The following ADAMTS3 variants were observed in gnomAD, a reference collection of about 807,000 sequenced individuals.
ADAMTS3 encodes the protein ADAM metallopeptidase with thrombospondin type 1 motif 3, also known as A disintegrin and metalloproteinase with thrombospondin motifs 3.
Under a neutral mutation model 129.0 loss-of-function variants are expected in ADAMTS3, and 73 were observed. The ratio of observed to expected loss-of-function variants is 0.57; its 90% CI spans 0.47 to 0.69. The LOEUF is 0.69. Among genes scored for constraint, ADAMTS3 ranks in the 30% least tolerant of loss-of-function variants. The probability of loss-of-function intolerance (pLI) is 0.00; values close to 1 mark genes in which losing one functional copy is unlikely to be tolerated. For missense variants in ADAMTS3, 1,457 were observed against 1,514.5 expected, an observed-to-expected ratio of 0.96 and a Z score of 0.63; for synonymous variants, 477 against 510.8, an observed-to-expected ratio of 0.93 and a Z score of 0.89.
chr4:72,557,201 C>T (rs1187698457), intron 2 of ADAMTS3, among the ~76,000 whole-genome samples: 1 of 151,802 alleles, frequency 6.6e-6, no homozygotes, highest in African/African-American at 2.4e-5. Flanking sequence ...CCAACAACAA[C>T]ATTTCCAAAT....
At chr4:72,542,578 G>C (rs2109780512) in intron 3 of ADAMTS3, among the ~76,000 whole-genome samples, 1 of 152,280 alleles carries the variant, frequency 6.6e-6, no homozygotes, top group East Asian at 1.9e-4. Context: ...CAGAATTTGA[G>C]ATATTAGGAA....
chr4:72,371,198 G>A (rs906478364), intron 4 of ADAMTS3, among the ~76,000 whole-genome samples: 1 of 152,038 alleles, frequency 6.6e-6, no homozygotes, highest in East Asian at 1.9e-4. Context: ...CAGACTATGA[G>A]AGAATAAATT....
chr4:72,541,755 T>C (rs113633371), intron 3 of ADAMTS3, among the ~76,000 whole-genome samples: 1,627 of 151,724 alleles, frequency 0.011, 22 homozygotes, highest in African/African-American at 0.033. Flanking sequence ...CTATGTAAGA[T>C]GTGCCTTTGT....
In ADAMTS3 at chr4:72,400,359, A is replaced by G. The variant is rs1248521173; in HGVS notation, c.661+14456T>C. 1.4e-5 allele frequency among the ~76,000 whole-genome samples: 2 copies of G among 146,396 alleles called. 1 individual carries two copies. Among genetic ancestry groups the G allele is most frequent in the African/African-American group, 5.1e-5 (2 of 39,416 alleles). ...ACACGGTGTGTATATATACGTGTGC[A>G]TAGATATGCACACGGTGTGTATATA... On this transcript the variant is annotated intron_variant, in intron 4 of 21. Coordinates refer to ENST00000286657, the MANE Select transcript of ADAMTS3 (RefSeq NM_014243.3).
At chr4:72,481,327 G>A (rs1248667292) in intron 3 of ADAMTS3, among the ~76,000 whole-genome samples, 4 of 152,132 alleles carry the variant, frequency 2.6e-5, no homozygotes, top group Non-Finnish European at 4.4e-5. Context: ...TCCAGATTGT[G>A]TCATATTGGT....
At chr4:72,308,296 A>AT in intron 15 of ADAMTS3, among the ~76,000 whole-genome samples, 3 of 152,002 alleles carry the variant, frequency 2.0e-5, no homozygotes, top group Non-Finnish European at 4.4e-5. Context: ...TAGCAAAGAC[A>AT]TCAGTAACAA....
chr4:72,436,069 C>T (rs1014441373), intron 3 of ADAMTS3, among the ~76,000 whole-genome samples: 2 of 151,936 alleles, frequency 1.3e-5, no homozygotes, highest in African/African-American at 2.4e-5. Flanking sequence ...AACAGGCAAC[C>T]TACAGAATGG....
intron 3 of ADAMTS3, among the ~76,000 whole-genome samples, chr4:72,491,083 C>T (rs1232341294): frequency 1.3e-5 from 2 of 151,810 alleles, no homozygotes; most frequent in South Asian, 2.1e-4. Flanking sequence ...GTTGACATTA[C>T]GAATGAGATT....
chr4:72,484,331 A>G (rs947346103), intron 3 of ADAMTS3, among the ~76,000 whole-genome samples: 5 of 152,134 alleles, frequency 3.3e-5, no homozygotes, highest in African/African-American at 1.2e-4. Flanking sequence ...TAAAAAACAT[A>G]TTTTTCCATT....
intron 2 of ADAMTS3, 34 bp from the exon 3 acceptor site, chr4:72,548,918 T>C (rs1274023672): frequency 1.0e-5 from 16 of 1,575,112 alleles, no homozygotes; most frequent in Non-Finnish European, 1.4e-5. Context: ...TCAAACCCTG[T>C]ACAATAAGAG....
intron 19 of ADAMTS3, among the ~76,000 whole-genome samples, chr4:72,292,949 TCA>T (rs1560460982): frequency 1.3e-5 from 2 of 152,164 alleles, no homozygotes; most frequent in Non-Finnish European, 2.9e-5. Flanking sequence ...ATATTATACT[TCA>T]CAGATATAGG....
chr4:72,488,234 T>G (rs1719640648), intron 3 of ADAMTS3, among the ~76,000 whole-genome samples: 1 of 152,010 alleles, frequency 6.6e-6, no homozygotes, highest in South Asian at 2.1e-4. Context: ...AGGAGCTGCC[T>G]TTTCCTGGTT....
rs1258334837 is a variant in ADAMTS3 at position 72,568,932 on chromosome 4, T to A, written c.-170A>T. 4.5e-5 allele frequency: 28 copies of A among 625,508 alleles called. No individual in the cohort carries two copies. In the East Asian group the frequency reaches 7.6e-4, roughly 17 times the overall value. 38.7% of individuals were successfully genotyped at this position (625,508 alleles called of 1,614,324 possible). Reference sequence around the variant, plus strand: ...TTCAATGAAAATGAAATTTGAGCTCTGAGACTGGCCCCCTCTGCTCTGCAG... The same window carrying A: ...TTCAATGAAAATGAAATTTGAGCTCAGAGACTGGCCCCCTCTGCTCTGCAG... On this transcript the variant is annotated 5_prime_UTR_variant, in exon 1 of 22. Transcript: ENST00000286657.
chr4:72,318,638 T>A lies in ADAMTS3; in HGVS notation c.1419A>T (p.Gly473=), dbSNP rs1292751044. 6.2e-7 allele frequency: 1 copy of A among 1,613,802 alleles called. No homozygotes were observed. Among genetic ancestry groups the A allele is most frequent in the Non-Finnish European group, 8.5e-7 (1 of 1,179,840 alleles). ...ATTGCTCATCCATAGAATAATTGAT[T>A]CCAGGAAGTTCTGGGAGTTTAGGCC... ...HDWPKLPELP[G]INYSMDEQCR... is the part of the protein sequence containing the mutation. The change falls in exon 10 of 22, where the codon GGA becomes GGT. Residue 473 remains glycine (G), a synonymous_variant. Transcript: ENST00000286657.
At chr4:72,422,721 C>T (rs1722477660) in intron 3 of ADAMTS3, among the ~76,000 whole-genome samples, 1 of 152,080 alleles carries the variant, frequency 6.6e-6, no homozygotes, top group Non-Finnish European at 1.5e-5. Context: ...AGGAGGGGTC[C>T]TCACAGCCAT....
chr4:72,422,618 A>G (rs1254278554), intron 3 of ADAMTS3, among the ~76,000 whole-genome samples: 4 of 152,102 alleles, frequency 2.6e-5, no homozygotes, highest in African/African-American at 9.7e-5. Flanking sequence ...CAGCTACATC[A>G]CTCAACTCAA....
At chr4:72,510,043 G>A (rs2110032879) in intron 3 of ADAMTS3, among the ~76,000 whole-genome samples, 1 of 149,146 alleles carries the variant, frequency 6.7e-6, no homozygotes, top group Non-Finnish European at 1.5e-5. Context: ...TGCTGGAAAA[G>A]CATTTGATAA....
intron 4 of ADAMTS3, among the ~76,000 whole-genome samples, chr4:72,352,261 C>T (rs942555724): frequency 1.3e-5 from 2 of 151,972 alleles, no homozygotes; most frequent in African/African-American, 4.8e-5. Flanking sequence ...AAAATCAATA[C>T]ATACAGATAT....
rs550430034 is a variant in ADAMTS3 at position 72,529,210 on chromosome 4, C to T, written c.504+19268G>A. Reference sequence around the variant, plus strand: ...TGAAAGACAAAAAGGCCAGAATGGCCGAATACAGTAAACGAAGTAAGGAGT... The same window carrying T: ...TGAAAGACAAAAAGGCCAGAATGGCTGAATACAGTAAACGAAGTAAGGAGT... On this transcript the variant is annotated intron_variant, in intron 3 of 21. Transcript: ENST00000286657. 5.3e-5 allele frequency among the ~76,000 whole-genome samples: 8 copies of T among 152,078 alleles called. No individual in the cohort carries two copies. The East Asian group carries it at 1.3e-3, about 26-fold the overall frequency.
Sources: allele counts gnomAD v4.1 joint callset (sites outside exome capture counted in the v4.1 genomes callset), GRCh38; gene constraint gnomAD v4.1.1; transcripts MANE v1.5; gene names NCBI Gene and HGNC (gene_info 2026-07-23, HGNC 2026-07-21).